The following ACVRL1 variants were observed in gnomAD, a reference collection of about 807,000 sequenced individuals.
ACVRL1 encodes activin A receptor like type 1.
ACVRL1 carries 20 observed loss-of-function variants against 51.9 expected under a neutral mutation model. The ratio of observed to expected loss-of-function variants is 0.39; its 90% CI spans 0.27 to 0.56. The LOEUF (loss-of-function observed/expected upper bound fraction) is 0.56, where lower values mean the gene tolerates loss of function less well. Ranked by LOEUF, ACVRL1 falls within the 20% of genes least tolerant of loss-of-function variation. ACVRL1 has a pLI of 0.67. For synonymous variants in ACVRL1, 288 were observed against 280.9 expected (o/e 1.03, Z -0.25); for missense variants, 451 against 670.3 (o/e 0.67, Z 3.61).
In ACVRL1 at chr12:51,921,058, G is replaced by T; in HGVS notation, c.*165G>T. ...GCCCACCCAGCCAAAAATACAGCTG[G>T]GCTGAAACCTGATCCCCTGCTGTCT... is the stretch of plus-strand genomic sequence containing the variant. On this transcript the variant is annotated 3_prime_UTR_variant, in exon 10 of 10. Transcript: ENST00000388922. 1.2e-6 allele frequency: 1 copy of T among 827,110 alleles called. No homozygotes were observed. Among genetic ancestry groups the T allele is most frequent in the Non-Finnish European group, 1.9e-6 (1 of 518,570 alleles). The allele number at this position is 827,110 out of a possible 1,614,324, so 51.2% of individuals were successfully genotyped here. A position where few individuals can be genotyped will look rare whatever the true frequency, so the allele number is the denominator to read the frequency against.
intron 2 of ACVRL1, among the ~76,000 whole-genome samples, chr12:51,912,857 C>A (rs900044149): frequency 4.0e-5 from 6 of 151,832 alleles, no homozygotes; most frequent in African/African-American, 1.5e-4. Flanking sequence ...CCCAGCCCAG[C>A]CTAGAACTGG....
At chr12:51,913,822 T>G in intron 4 of ACVRL1, 52 bp downstream of exon 4, 1 of 1,599,720 alleles carries the variant, frequency 6.3e-7, no homozygotes, top group Non-Finnish European at 8.5e-7. Context: ...AGATAGGAAC[T>G]GCAGAATCAG....
rs750685021 is a variant in ACVRL1, at chr12:51,915,493, C to G, written c.1041C>G (p.Ala347=). 8.7e-6 allele frequency: 14 copies of G among 1,606,494 alleles called. No homozygotes were observed. The highest frequency in any genetic ancestry group is 9.4e-6 in the Non-Finnish European group (11 of 1,175,582). The change falls in exon 7 of 10, where the codon GCC becomes GCG. Residue 347 remains alanine (A), a synonymous_variant. Transcript: ENST00000388922. ...LVKSNLQCCI[A]DLGLAVMHSQ... The stretch of plus-strand genomic sequence containing the variant: ...AGAGCAACCTGCAGTGTTGCATCGC[C>G]GACCTGGGTGAGCCGGGCGGGGCAG...
chr12:51,919,363 CTGTGTGTGTGTGTGTGTGTG>C lies in ACVRL1; in HGVS notation c.1377+270_1377+289del, dbSNP rs55945390. On this transcript the variant is annotated intron_variant, in intron 9 of 9. Coordinates refer to ENST00000388922, the MANE Select transcript of ACVRL1 (RefSeq NM_000020.3). ...GAAAAGTCAGAGGCTATCTGTGGCT[CTGTGTGTGTGTGTGTGTGTG>C]TGTGTGTGTGTGTGTGTGTGTTTGA... 1,577 of 387,826 alleles carry C rather than the reference CTGTGTGTGTGTGTGTGTGTG, an allele frequency of 4.1e-3. 21 individuals are homozygous for C. Among genetic ancestry groups the C allele is most frequent in the African/African-American group, 0.032 (1,443 of 44,906 alleles). 24.0% of individuals were successfully genotyped at this position (387,826 alleles called of 1,614,324 possible). A position where few individuals can be genotyped will look rare whatever the true frequency, so the allele number is the denominator to read the frequency against.
rs1299033030 is a variant in ACVRL1 at position 51,913,839 on chromosome 12, C to T, written c.525+69C>T. The T allele has an allele frequency of 2.5e-6, 4 of 1,589,050 alleles. No individual in the cohort carries two copies. In the Admixed American group the frequency reaches 5.2e-5, roughly 21 times the overall value. ...ATAGGAACTGCAGAATCAGAGGGGT[C>T]ACCCAGAGATTAGAGCCGGTGGGGA... On this transcript the variant is annotated intron_variant, in intron 4 of 9. Transcript: ENST00000388922.
chr12:51,917,154 G>A lies in ACVRL1; in HGVS notation c.1246+921G>A, dbSNP rs1054303460. ...CCATTTTACAGTTGAGGAGACGGGG[G>A]CACAGAATGACAGTGGGCTTGAGGC... On this transcript the variant is annotated intron_variant, in intron 8 of 9. Transcript: ENST00000388922. The surrounding 1 kb of genome is among the most constrained non-coding windows in gnomAD (Gnocchi z 4.2). Among the ~76,000 whole-genome samples the A allele has an allele frequency of 1.1e-4, 16 of 152,186 alleles. No individual in the cohort carries two copies. The highest frequency in any genetic ancestry group is 5.9e-5 in the Non-Finnish European group (4 of 68,034).
Position 51,912,445 on chromosome 12 carries a change from C to T in ACVRL1, c.-5-25C>T, listed in dbSNP as rs759053428. 6.8e-6 allele frequency: 11 copies of T among 1,613,502 alleles called. No homozygotes were observed. The Admixed American group carries it at 1.8e-4, about 27-fold the overall frequency. On this transcript the variant is annotated intron_variant, in intron 1 of 9. Coordinates refer to ENST00000388922, the MANE Select transcript of ACVRL1 (RefSeq NM_000020.3). Reference sequence around the variant, plus strand: ...GCTGTCACACTTCATGGCTCTTACTCCACCTCTCTTGCTCCTCTCTGCAGG... The same window carrying T: ...GCTGTCACACTTCATGGCTCTTACTTCACCTCTCTTGCTCCTCTCTGCAGG...
chr12:51,913,103 C>A lies in ACVRL1; in HGVS notation c.66C>A (p.Asp22Glu). The change falls in exon 3 of 10, where the codon GAC (aspartate) becomes GAA (glutamate). Residue 22 changes from aspartate to glutamate, a missense_variant. Around this residue, in one of 2 missense-constraint regions of ACVRL1, gnomAD observed 192 missense variants for 216.9 expected, o/e 0.89. Coordinates refer to ENST00000388922, the MANE Select transcript of ACVRL1 (RefSeq NM_000020.3). ...MLLMALVTQG[D>E]PVKPSRGPLV... is the part of the protein sequence containing the mutation. The stretch of plus-strand genomic sequence containing the variant: ...AGCTTCCGGTGTGTCTTCCAGGAGA[C>A]CCTGTGAAGCCGTCTCGGGGCCCGC... The A allele has an allele frequency of 6.2e-7, 1 of 1,603,692 alleles. No individual in the cohort carries two copies. Among genetic ancestry groups the A allele is most frequent in the Non-Finnish European group, 8.5e-7 (1 of 1,179,104 alleles).
chr12:51,915,360 C>T lies in ACVRL1; in HGVS notation c.908C>T (p.Ala303Val), dbSNP rs1940806824. The T allele has an allele frequency of 6.2e-7, 1 of 1,614,128 alleles. No homozygotes were observed. The stretch of plus-strand genomic sequence containing the variant: ...GAGCCCCATCTGGCTCTGAGGCTAG[C>T]TGTGTCCGCGGCATGCGGCCTGGCG... ...TLEPHLALRL[A>V]VSAACGLAHL... Residue 303 changes from alanine (A) to valine (V), a missense_variant, in exon 7 of 10, where the codon GCT becomes GTT. Physicochemically the swap from Ala to Val is moderately conservative, Grantham distance 64. Transcript: ENST00000388922.
chr12:51,909,682 T>C (rs1246694422), intron 1 of ACVRL1, among the ~76,000 whole-genome samples: 2 of 151,642 alleles, frequency 1.3e-5, no homozygotes, highest in Non-Finnish European at 2.9e-5. Flanking sequence ...TGATTTATTA[T>C]CAGCAATTTA....
rs949812990 is a variant in ACVRL1 at position 51,917,125 on chromosome 12, G to A, written c.1246+892G>A. Among the ~76,000 whole-genome samples the A allele has an allele frequency of 4.6e-5, 7 of 152,182 alleles. No individual in the cohort carries two copies. The South Asian group carries it at 6.2e-4, about 13-fold the overall frequency. ...TAGAATGAGTGCCTGACATCATATT[G>A]TCCCCATTTTACAGTTGAGGAGACG... On this transcript the variant is annotated intron_variant, in intron 8 of 9. Transcript: ENST00000388922. The surrounding 1 kb of genome is among the most constrained non-coding windows in gnomAD (Gnocchi z 4.2).
Position 51,915,509 on chromosome 12 carries a change from G to A in ACVRL1, c.1048+9G>A. The A allele has an allele frequency of 6.2e-7, 1 of 1,604,164 alleles. No individual in the cohort carries two copies. Among genetic ancestry groups the A allele is most frequent in the Non-Finnish European group, 8.5e-7 (1 of 1,174,422 alleles). On this transcript the variant is annotated intron_variant, in intron 7 of 9. Transcript: ENST00000388922. ...TTGCATCGCCGACCTGGGTGAGCCG[G>A]GCGGGGCAGGGGCGCGCCCTTCACA...
intron 1 of ACVRL1, among the ~76,000 whole-genome samples, chr12:51,911,462 G>A (rs1355875182): frequency 1.3e-5 from 2 of 152,168 alleles, no homozygotes; most frequent in Admixed American, 1.3e-4. Flanking sequence ...AAAGAAGGGG[G>A]CCAGGGAACA....
intron 5 of ACVRL1, 45 bp from the exon 6 acceptor site, chr12:51,914,394 C>T (rs759577496): frequency 3.7e-6 from 6 of 1,613,450 alleles, no homozygotes; most frequent in African/African-American, 1.3e-5. Context: ...TTCCAGGGCT[C>T]TGTGTGCCCA....
intron 9 of ACVRL1, among the ~76,000 whole-genome samples, chr12:51,919,869 C>A (rs1420034082): frequency 6.6e-6 from 1 of 152,154 alleles, no homozygotes; most frequent in East Asian, 1.9e-4. Flanking sequence ...CGCATATATG[C>A]CAGACTGTTG....
rs74473921 is a variant in ACVRL1, at chr12:51,922,764, A to G, written c.*1871A>G. ...AGCCTAGGGGCAGGGCAGTGAAGAAAGCTCTCCCCGCTCCTGCTGTAATGA... is the reference window on the plus strand; with the variant it reads ...AGCCTAGGGGCAGGGCAGTGAAGAAGGCTCTCCCCGCTCCTGCTGTAATGA... On this transcript the variant is annotated 3_prime_UTR_variant, in exon 10 of 10. Coordinates refer to ENST00000388922, the MANE Select transcript of ACVRL1 (RefSeq NM_000020.3). 6.6e-6 allele frequency: 1 copy of G among 152,250 alleles called. No individual in the cohort carries two copies. The highest frequency in any genetic ancestry group is 2.4e-5 in the African/African-American group (1 of 41,514). The allele number at this position is 152,250 out of a possible 1,614,324, so 9.4% of individuals were successfully genotyped here.
rs1397418364 is a variant in ACVRL1, at chr12:51,917,757, G to A, written c.1247-1228G>A. Among the ~76,000 whole-genome samples the A allele has an allele frequency of 6.6e-6, 1 of 152,162 alleles. No homozygotes were observed. Among genetic ancestry groups the A allele is most frequent in the East Asian group, 1.9e-4 (1 of 5,188 alleles). ...TGCCAGAGTGGGCTCTAAGGAGACC[G>A]GGATCGGGGGAAAGAGGAACCTGGA... is the stretch of plus-strand genomic sequence containing the variant. On this transcript the variant is annotated intron_variant, in intron 8 of 9. Transcript: ENST00000388922. The surrounding 1 kb of genome is among the most constrained non-coding windows in gnomAD (Gnocchi z 4.2).
rs749613434 is a variant in ACVRL1, at chr12:51,919,130, G to C, written c.1377+15G>C. On this transcript the variant is annotated intron_variant, in intron 9 of 9. Transcript: ENST00000388922. Reference sequence around the variant, plus strand: ...CTGCAGACCCGGTGAGGCCTCTGCTGGGACTAGGATGGCGTGGGGTGGTGG... The same window carrying C: ...CTGCAGACCCGGTGAGGCCTCTGCTCGGACTAGGATGGCGTGGGGTGGTGG... 1 of 1,613,576 alleles carries C rather than the reference G, an allele frequency of 6.2e-7. No homozygotes were observed. Among genetic ancestry groups the C allele is most frequent in the East Asian group, 2.2e-5 (1 of 44,862 alleles).
rs374466465 is a variant in ACVRL1 at position 51,913,641 on chromosome 12, G to A, written c.396G>A (p.Leu132=). Residue 132 remains leucine, a synonymous_variant, in exon 4 of 10, where the codon CTG becomes CTA. Coordinates refer to ENST00000388922, the MANE Select transcript of ACVRL1 (RefSeq NM_000020.3). Reference sequence around the variant, plus strand: ...GCCCCGTGCTGGCCTTGCTGGCCCTGGTGGCCCTGGGTGTCCTGGGCCTGT... The same window carrying A: ...GCCCCGTGCTGGCCTTGCTGGCCCTAGTGGCCCTGGGTGTCCTGGGCCTGT... ...ILGPVLALLA[L]VALGVLGLWH... is the part of the protein sequence containing the mutation. 1 of 1,606,348 alleles carries A rather than the reference G, an allele frequency of 6.2e-7. No homozygotes were observed. Among genetic ancestry groups the A allele is most frequent in the South Asian group, 1.1e-5 (1 of 91,058 alleles).
Sources: allele counts gnomAD v4.1 joint callset (sites outside exome capture counted in the v4.1 genomes callset), GRCh38; gene constraint gnomAD v4.1.1; regional missense constraint gnomAD v4.1.1; non-coding constraint Gnocchi (gnomAD v3.1); transcripts MANE v1.5; gene names NCBI Gene and HGNC (gene_info 2026-07-23, HGNC 2026-07-21).